CASP10: variants seen among roughly 807,000 people sequenced by gnomAD.
CASP10 encodes the protein caspase 10, also known as caspase-10.
In CASP10, 41 loss-of-function variants were observed where a neutral mutation model predicts 48.5. The ratio of observed to expected loss-of-function variants is 0.85; its 90% confidence interval spans 0.66 to 1.10. The LOEUF is 1.10. Among genes scored for constraint, CASP10 ranks in the 50% least tolerant of loss-of-function variants. The probability of loss-of-function intolerance (pLI) is 0.00; values close to 1 mark genes in which losing one functional copy is unlikely to be tolerated. For synonymous variants in CASP10, 232 were observed against 238.4 expected, an observed-to-expected ratio of 0.97 and a Z score of 0.25; for missense variants, 614 against 614.5, an observed-to-expected ratio of 1.00 and a Z score of 0.01.
chr2:201,197,830 A>G (rs1247869555), intron 5 of CASP10, among the ~76,000 whole-genome samples: 1 of 152,224 alleles, frequency 6.6e-6, no homozygotes, highest in Non-Finnish European at 1.5e-5. Flanking sequence ...GTGTAAAAAT[A>G]TCTCTTTGAA....
intron 5 of CASP10, 72 bp downstream of exon 5, chr2:201,196,020 C>CA (rs1944783687): frequency 4.9e-6 from 5 of 1,015,114 alleles, no homozygotes; most frequent in Admixed American, 1.9e-5. Flanking sequence ...CCTGCCACCC[C>CA]AAAAAAGAAA....
chr2:201,206,252 GAGGGGT>G (rs1163457074), intron 7 of CASP10: 3 of 281,574 alleles, frequency 1.1e-5, no homozygotes, highest in Non-Finnish European at 2.0e-5. Flanking sequence ...TATTTCTGGA[GAGGGGT>G]AGTTTCTTTT....
intron 5 of CASP10, chr2:201,200,453 T>C (rs751496442): frequency 1.9e-6 from 3 of 1,598,196 alleles, no homozygotes; most frequent in Non-Finnish European, 2.5e-6. Context: ...GAAGGTGTTT[T>C]TGTTTTTTTA....
At chr2:201,183,803 C>T (rs1359725914) in intron 1 of CASP10, among the ~76,000 whole-genome samples, 4 of 152,142 alleles carry the variant, frequency 2.6e-5, no homozygotes, top group African/African-American at 7.2e-5. Flanking sequence ...TATGTCACCT[C>T]GATATAACCA....
chr2:201,208,731 T>C (rs1415451353), intron 8 of CASP10, among the ~76,000 whole-genome samples: 1 of 152,048 alleles, frequency 6.6e-6, no homozygotes, highest in East Asian at 1.9e-4. Context: ...CAGGCTGGAG[T>C]GCAGTGGTGC....
In CASP10 at chr2:201,217,827, TCCA is replaced by T; in HGVS notation, c.*89_*91del. The T allele has an allele frequency of 6.2e-7, 1 of 1,611,336 alleles. No homozygotes were observed. Among genetic ancestry groups the T allele is most frequent in the Non-Finnish European group, 8.5e-7 (1 of 1,178,574 alleles). On this transcript the variant is annotated 3_prime_UTR_variant, in exon 10 of 10. Coordinates refer to ENST00000286186, the MANE Select transcript of CASP10 (RefSeq NM_032977.4). ...CTGCCCAGCACAGGAATCGGTGGTC[TCCA>T]CCTGTCATTCTAGAAACAGGAAACA...
Position 201,201,945 on chromosome 2 carries a change from G to C in CASP10, c.685-1785G>C, listed in dbSNP as rs41361353. ...AGCCCCCTGCAACTTCAGCCTCCCAGGTTCAAGTGATTTTCCTGCCTCAGC... is the reference window on the plus strand; with the variant it reads ...AGCCCCCTGCAACTTCAGCCTCCCACGTTCAAGTGATTTTCCTGCCTCAGC... On this transcript the variant is annotated intron_variant, in intron 5 of 9. Coordinates refer to ENST00000286186, the MANE Select transcript of CASP10 (RefSeq NM_032977.4). Among the ~76,000 whole-genome samples, 761 of 152,242 alleles carry C rather than the reference G, an allele frequency of 5.0e-3. 9 individuals carry two copies. The highest frequency in any genetic ancestry group is 0.017 in the African/African-American group (715 of 41,540).
chr2:201,208,920 C>T (rs1367085306), intron 8 of CASP10, 150 bp from the exon 9 acceptor site: 41 of 790,440 alleles, frequency 5.2e-5, no homozygotes, highest in African/African-American at 1.1e-4. Flanking sequence ...TCAAGTGATC[C>T]GCCTGCTTCG....
chr2:201,218,709 G>A lies in CASP10; in HGVS notation c.*968G>A. On this transcript the variant is annotated 3_prime_UTR_variant, in exon 10 of 10. Transcript: ENST00000286186. Reference sequence around the variant, plus strand: ...ACAACTACCCCTTAGTTATAATTCTGTGTCCCCTCTGCATGCCCTTAAACA... The same window carrying A: ...ACAACTACCCCTTAGTTATAATTCTATGTCCCCTCTGCATGCCCTTAAACA... The A allele has an allele frequency of 1.0e-6, 1 of 985,360 alleles. No individual in the cohort carries two copies. The highest frequency in any genetic ancestry group is 1.2e-6 in the Non-Finnish European group (1 of 829,950). 61.0% of individuals were successfully genotyped at this position (985,360 alleles called of 1,614,324 possible).
At chr2:201,197,838 G>GA (rs1199311303) in intron 5 of CASP10, among the ~76,000 whole-genome samples, 1 of 152,120 alleles carries the variant, frequency 6.6e-6, no homozygotes, top group African/African-American at 2.4e-5. Context: ...ATATCTCTTT[G>GA]AAATGCTGCT....
downstream of CASP10, among the ~76,000 whole-genome samples, chr2:201,225,474 C>T (rs986146264): frequency 2.0e-5 from 3 of 152,274 alleles, no homozygotes; most frequent in South Asian, 6.2e-4. Flanking sequence ...TGTGACATTT[C>T]CCTGGTTATA....
rs1388562266 is a variant in CASP10, at chr2:201,220,955, C to CT, written c.*3220dup. The CT allele has an allele frequency of 1.0e-6, 1 of 985,300 alleles. No individual in the cohort carries two copies. Among genetic ancestry groups the CT allele is most frequent in the African/African-American group, 1.7e-5 (1 of 57,224 alleles). The allele number at this position is 985,300 out of a possible 1,614,324, so 61.0% of individuals were successfully genotyped here. A position where few individuals can be genotyped will look rare whatever the true frequency, so the allele number is the denominator to read the frequency against. On this transcript the variant is annotated 3_prime_UTR_variant, in exon 10 of 10. Transcript: ENST00000286186. ...AGAGACACTAACTAAATCAAGCTAG[C>CT]TTTTTTCAGCCTTGTCTGTAAAGTA...
At chr2:201,203,639 T>C (rs1945102481) in intron 5 of CASP10, 91 bp from the exon 6 acceptor site, 1 of 1,131,848 alleles carries the variant, frequency 8.8e-7, no homozygotes. Context: ...GGATTAGATA[T>C]CTGTCCTTCC....
At chr2:201,222,066 T>A (rs962865896), downstream of CASP10, among the ~76,000 whole-genome samples, 2 of 152,196 alleles carry the variant, frequency 1.3e-5, no homozygotes, top group African/African-American at 2.4e-5. Flanking sequence ...TGATCACAGC[T>A]ATTTGACAGT....
chr2:201,225,954 A>T (rs948023969), downstream of CASP10, among the ~76,000 whole-genome samples: 1 of 152,218 alleles, frequency 6.6e-6, no homozygotes, highest in Non-Finnish European at 1.5e-5. Flanking sequence ...TGATAGAGTG[A>T]GACTCTGTCT....
intron 5 of CASP10, among the ~76,000 whole-genome samples, chr2:201,197,782 C>T (rs1402625088): frequency 6.6e-6 from 1 of 152,168 alleles, no homozygotes; most frequent in Admixed American, 6.5e-5. Context: ...GCTGCTGCCA[C>T]CTTTTGACTA....
At chr2:201,185,332 C>G (rs556884844) in intron 1 of CASP10, among the ~76,000 whole-genome samples, 1 of 152,238 alleles carries the variant, frequency 6.6e-6, no homozygotes, top group Non-Finnish European at 1.5e-5. Flanking sequence ...GTTGATAGAT[C>G]ATAAGGATAA....
At position 201,217,574 on chromosome 2, in the gene CASP10, CT is replaced by C. The variant is rs776992048; in HGVS notation, c.1416-12del. ...ACTCCGTAAAAAAAAATTTTGTTTT[CT>C]TCTTTGTTGCAGACATGAAGACATC... is the stretch of plus-strand genomic sequence containing the variant. On this transcript the variant is annotated splice_polypyrimidine_tract_variant and intron_variant, in intron 9 of 9. Transcript: ENST00000286186. 1.1e-5 allele frequency: 18 copies of C among 1,608,020 alleles called. No homozygotes were observed. The African/African-American group carries it at 2.3e-4, about 20-fold the overall frequency.
chr2:201,223,973 TC>T (rs201999056), downstream of CASP10, among the ~76,000 whole-genome samples: 800 of 149,972 alleles, frequency 5.3e-3, 10 homozygotes, highest in African/African-American at 0.018. Context: ...GGAACTCTTT[TC>T]TTTTTTTTTT....
Sources: allele counts gnomAD v4.1 joint callset (sites outside exome capture counted in the v4.1 genomes callset), GRCh38; gene constraint gnomAD v4.1.1; transcripts MANE v1.5; gene names NCBI Gene and HGNC (gene_info 2026-07-23, HGNC 2026-07-21).